Variants in DNAAF6 observed in about 807,000 individuals in gnomAD.
DNAAF6 encodes the protein dynein axonemal assembly factor 6, also known as PIH1 domain containing 3.
A neutral mutation model predicts 13.7 loss-of-function variants in DNAAF6; 3 were observed. The ratio of observed to expected loss-of-function variants is 0.22; its 90% CI spans 0.10 to 0.56. DNAAF6 has a LOEUF of 0.56. Ranked by LOEUF, DNAAF6 falls within the 20% of genes least tolerant of loss-of-function variation. DNAAF6 has a pLI of 0.92. For synonymous variants in DNAAF6, 54 were observed against 49.2 expected, an observed-to-expected ratio of 1.10 and a Z score of -0.41; for missense variants, 130 against 151.0, an observed-to-expected ratio of 0.86 and a Z score of 0.73.
intron 5 of DNAAF6, among the ~76,000 whole-genome samples, chrX:107,226,815 G>A (rs1233993130): frequency 9.0e-6 from 1 of 111,177 alleles, no homozygotes; most frequent in African/African-American, 3.3e-5. Flanking sequence ...AAGCCACTAA[G>A]CCTATTTTTT....
chrX:107,241,484 T>C (rs1193586216), intron 6 of DNAAF6, among the ~76,000 whole-genome samples: 1 of 111,743 alleles, frequency 8.9e-6, no homozygotes, highest in African/African-American at 3.2e-5. Context: ...GTGACCTGAA[T>C]ACTTGCTTCA....
chrX:107,221,186 G>A (rs1036942959), intron 4 of DNAAF6, among the ~76,000 whole-genome samples: 1 of 110,636 alleles, frequency 9.0e-6, no homozygotes, highest in Non-Finnish European at 1.9e-5. Context: ...AGTTGGCCAG[G>A]CTGGTCCTGA....
At chrX:107,222,655 T>C (rs1928171730) in intron 4 of DNAAF6, 90 bp from the exon 5 acceptor site, 2 of 1,058,649 alleles carry the variant, frequency 1.9e-6, no homozygotes, top group African/African-American at 1.9e-5. Context: ...TTTTACCTAA[T>C]AGCATATCCT....
At chrX:107,236,424 T>A (rs983536255) in intron 5 of DNAAF6, among the ~76,000 whole-genome samples, 2 of 111,854 alleles carry the variant, frequency 1.8e-5, no homozygotes, top group East Asian at 2.8e-4. Flanking sequence ...TTAATATCCA[T>A]GTCTGTATTC....
At chrX:107,227,369 C>T (rs193099225) in intron 5 of DNAAF6, among the ~76,000 whole-genome samples, 4 of 111,815 alleles carry the variant, frequency 3.6e-5, no homozygotes, top group Admixed American at 2.8e-4. Context: ...GGATTACAGC[C>T]GTGAGGCACC....
intron 5 of DNAAF6, among the ~76,000 whole-genome samples, chrX:107,236,418 T>C (rs1171924795): frequency 8.9e-6 from 1 of 111,883 alleles, no homozygotes; most frequent in Non-Finnish European, 1.9e-5. Context: ...GGTCAATTAA[T>C]ATCCATGTCT....
chrX:107,216,865 T>A (rs1602679631), intron 3 of DNAAF6, 122 bp downstream of exon 3: 1 of 460,916 alleles, frequency 2.2e-6, no homozygotes, highest in East Asian at 4.3e-5. Flanking sequence ...CAATGTATTG[T>A]ATACTTGGAA....
Position 107,213,014 on chromosome X carries a change from T to C in DNAAF6, c.139T>C (p.Ser47Pro). 4.2e-6 allele frequency: 5 copies of C among 1,197,166 alleles called. No individual in the cohort carries two copies. Among genetic ancestry groups the C allele is most frequent in the Non-Finnish European group, 5.6e-6 (5 of 890,384 alleles). Reference protein sequence around the residue: ...KLLNPEEEDDSDYGQTNGLST... With the variant: ...KLLNPEEEDDPDYGQTNGLST... Reference sequence around the variant, plus strand: ...ACTTAATCCTGAAGAAGAGGATGATTCTGACTATGGACAGGTGGTCATATA... The same window carrying C: ...ACTTAATCCTGAAGAAGAGGATGATCCTGACTATGGACAGGTGGTCATATA... The change falls in exon 2 of 7, where the codon TCT becomes CCT. Residue 47 changes from serine (S) to proline (P), a missense_variant. Physicochemically the swap from Ser to Pro is moderately conservative, Grantham distance 74. Transcript: ENST00000372453.
intron 6 of DNAAF6, among the ~76,000 whole-genome samples, chrX:107,240,691 A>C (rs767755533): frequency 2.9e-4 from 32 of 111,803 alleles, no homozygotes; most frequent in Non-Finnish European, 5.3e-4. Flanking sequence ...CACTTTTTTC[A>C]ATTGGTTGTT....
intron 4 of DNAAF6, among the ~76,000 whole-genome samples, chrX:107,222,374 G>A (rs768080205): frequency 9.0e-6 from 1 of 111,586 alleles, no homozygotes; most frequent in South Asian, 3.8e-4. Context: ...TCAATCCCTA[G>A]GTTATGGACT....
chrX:107,233,660 A>G (rs965531815), intron 5 of DNAAF6, among the ~76,000 whole-genome samples: 4 of 110,480 alleles, frequency 3.6e-5, no homozygotes, highest in Non-Finnish European at 7.6e-5. Flanking sequence ...GAAGAAAGGG[A>G]CAGGCCCAGT....
At position 107,216,668 on chromosome X, in the gene DNAAF6, C is replaced by T; in HGVS notation, c.154-3C>T. The T allele has an allele frequency of 8.5e-7, 1 of 1,182,629 alleles. No individual in the cohort carries two copies. The highest frequency in any genetic ancestry group is 1.1e-6 in the Non-Finnish European group (1 of 876,542). ...GAATATTGAACTTTTTCTCCTCCCT[C>T]AGACAAATGGTTTATCTACTATTGG... On this transcript the variant is annotated splice_polypyrimidine_tract_variant and splice_region_variant and intron_variant, in intron 2 of 6. Coordinates refer to ENST00000372453, the MANE Select transcript of DNAAF6 (RefSeq NM_173494.2).
At chrX:107,208,443 A>T (rs1284940019) in intron 1 of DNAAF6, among the ~76,000 whole-genome samples, 1 of 111,104 alleles carries the variant, frequency 9.0e-6, no homozygotes, top group Non-Finnish European at 1.9e-5. Flanking sequence ...AAACAAAAAA[A>T]CAAAAAAACC....
At chrX:107,223,090 T>G (rs1186808952) in intron 5 of DNAAF6, among the ~76,000 whole-genome samples, 1 of 111,693 alleles carries the variant, frequency 9.0e-6, no homozygotes, top group Non-Finnish European at 1.9e-5. Flanking sequence ...AATACACAAT[T>G]TCTATTTTTA....
At chrX:107,233,523 C>A (rs973678845) in intron 5 of DNAAF6, among the ~76,000 whole-genome samples, 3 of 111,533 alleles carry the variant, frequency 2.7e-5, no homozygotes, top group Non-Finnish European at 3.8e-5. Context: ...CACCATTCTT[C>A]TCTCTATTTC....
At chrX:107,209,198 A>C (rs2147824807) in intron 1 of DNAAF6, among the ~76,000 whole-genome samples, 1 of 111,811 alleles carries the variant, frequency 8.9e-6, no homozygotes, top group East Asian at 2.8e-4. Flanking sequence ...TTGTGTTCTC[A>C]AGAATTTTAA....
chrX:107,237,269 G>A, intron 5 of DNAAF6, among the ~76,000 whole-genome samples: 1 of 112,001 alleles, frequency 8.9e-6, no homozygotes, highest in Non-Finnish European at 1.9e-5. Flanking sequence ...ATAACTTACT[G>A]CTTTCCCTCT....
chrX:107,210,567 C>T (rs7052690), intron 1 of DNAAF6, among the ~76,000 whole-genome samples: 3,035 of 109,756 alleles, frequency 0.028, 112 homozygotes, highest in African/African-American at 0.096. Flanking sequence ...CACAGGGGCA[C>T]ACCACCGCGC....
At chrX:107,242,828 A>T (rs1928651012) in intron 6 of DNAAF6, among the ~76,000 whole-genome samples, 1 of 112,035 alleles carries the variant, frequency 8.9e-6, no homozygotes, top group Non-Finnish European at 1.9e-5. Flanking sequence ...GCCACATTGC[A>T]TCTATACATA....
Sources: allele counts gnomAD v4.1 joint callset (sites outside exome capture counted in the v4.1 genomes callset), GRCh38; gene constraint gnomAD v4.1.1; transcripts MANE v1.5; gene names NCBI Gene and HGNC (gene_info 2026-07-23, HGNC 2026-07-21).